The following F13A1 variants were observed in gnomAD, a reference collection of about 807,000 sequenced individuals.
F13A1 encodes coagulation factor XIII A chain.
F13A1 carries 47 observed loss-of-function variants against 80.1 expected under a neutral mutation model. The observed-to-expected ratio is 0.59, with a 90% CI of 0.46 to 0.75. The LOEUF (loss-of-function observed/expected upper bound fraction) is 0.75. Ranked by LOEUF, F13A1 falls within the 30% of genes least tolerant of loss-of-function variation. The pLI is 0.00. For missense variants in F13A1, 817 were observed against 930.4 expected (o/e 0.88, Z 1.59); for synonymous variants, 349 against 344.9 (o/e 1.01, Z -0.13).
chr6:6,224,042 G>T (rs1156633816), intron 7 of F13A1, among the ~76,000 whole-genome samples: 1 of 152,172 alleles, frequency 6.6e-6, no homozygotes, highest in Non-Finnish European at 1.5e-5. Context: ...GCATGACACT[G>T]AAGAGAATAA....
intron 2 of F13A1, among the ~76,000 whole-genome samples, chr6:6,318,262 GA>G (rs1758714509): frequency 6.6e-6 from 1 of 152,238 alleles, no homozygotes; most frequent in Non-Finnish European, 1.5e-5. Context: ...TGGTTTTGTA[GA>G]GGAAATAGTT....
At chr6:6,165,466 C>T (rs1760654755) in intron 13 of F13A1, among the ~76,000 whole-genome samples, 1 of 152,198 alleles carries the variant, frequency 6.6e-6, no homozygotes, top group East Asian at 1.9e-4. Context: ...GTGGTTTGAG[C>T]ACTTCACAGC....
At chr6:6,206,151 G>A (rs1416744874) in intron 8 of F13A1, among the ~76,000 whole-genome samples, 1 of 152,110 alleles carries the variant, frequency 6.6e-6, no homozygotes, top group Non-Finnish European at 1.5e-5. Context: ...GACCCAGTAG[G>A]TACCAAAGTT....
chr6:6,276,253 G>C (rs1454153614), intron 3 of F13A1, among the ~76,000 whole-genome samples: 1 of 152,216 alleles, frequency 6.6e-6, no homozygotes, highest in Non-Finnish European at 1.5e-5. Context: ...TTGGAAGCAG[G>C]AGGAGGGGAG....
intron 6 of F13A1, among the ~76,000 whole-genome samples, chr6:6,236,680 C>T (rs1014362099): frequency 3.6e-4 from 54 of 152,052 alleles, no homozygotes; most frequent in Non-Finnish European, 7.1e-4. Context: ...TATCATATTC[C>T]GTTAAATTTC....
intron 6 of F13A1, among the ~76,000 whole-genome samples, chr6:6,238,070 A>G (rs1757435814): frequency 6.6e-6 from 1 of 152,342 alleles, no homozygotes; most frequent in Admixed American, 6.5e-5. Context: ...TTACTAGAGG[A>G]AAGCAGTAAA....
Position 6,197,223 on chromosome 6 carries a change from C to T in F13A1, c.1216G>A (p.Gly406Ser), listed in dbSNP as rs1761307328. The T allele has an allele frequency of 6.2e-7, 1 of 1,613,868 alleles. No homozygotes were observed. The highest frequency in any genetic ancestry group is 1.3e-5 in the African/African-American group (1 of 75,030). ...TCCCAGAGGGAGGACACAGTTTTAC[C>T]ATCGCTATTTTCCTGGGGGGTGCTG... ...VDSTPQENSDGMYRCGPASVQ... is the reference protein window; with the variant it reads ...VDSTPQENSDSMYRCGPASVQ... Residue 406 changes from glycine to serine, a missense_variant and splice_region_variant, in exon 9 of 15, where the codon GGC (glycine) becomes AGC (serine). Coordinates refer to ENST00000264870, the MANE Select transcript of F13A1 (RefSeq NM_000129.4).
Position 6,174,877 on chromosome 6 carries a change from A to C in F13A1, c.1460-10T>G. The C allele has an allele frequency of 6.2e-7, 1 of 1,614,114 alleles. No homozygotes were observed. Among genetic ancestry groups the C allele is most frequent in the East Asian group, 2.2e-5 (1 of 44,876 alleles). On this transcript the variant is annotated splice_polypyrimidine_tract_variant and intron_variant, in intron 11 of 14. Coordinates refer to ENST00000264870, the MANE Select transcript of F13A1 (RefSeq NM_000129.4). ...CTCTCTTCTTCTTGACCTGGGGGAG[A>C]TCCAGAGATAATGACAGGCAAAAAT...
At chr6:6,315,441 AT>A (rs3024337) in intron 2 of F13A1, among the ~76,000 whole-genome samples, 116,551 of 151,422 alleles carry the variant, frequency 0.77, 45,308 homozygotes, top group East Asian at 0.89. Context: ...CAAATATTTC[AT>A]TTTTTTTTTC....
chr6:6,232,033 CA>C (rs1757359902), intron 6 of F13A1, among the ~76,000 whole-genome samples: 1 of 151,836 alleles, frequency 6.6e-6, no homozygotes, highest in Admixed American at 6.6e-5. Context: ...AAAGCAAAAA[CA>C]AAAAACAAAA....
At chr6:6,263,451 C>T (rs1299590587) in intron 4 of F13A1, among the ~76,000 whole-genome samples, 7 of 152,114 alleles carry the variant, frequency 4.6e-5, no homozygotes, top group South Asian at 2.1e-4. Context: ...GATCTCCTTG[C>T]GCTCCACTGA....
chr6:6,308,434 T>C (rs1758543140), intron 2 of F13A1, among the ~76,000 whole-genome samples: 1 of 149,612 alleles, frequency 6.7e-6, no homozygotes, highest in African/African-American at 2.5e-5. Context: ...TGGAATTAAG[T>C]ACATTACTCT....
At chr6:6,300,700 T>C (rs933170806) in intron 3 of F13A1, among the ~76,000 whole-genome samples, 6 of 152,220 alleles carry the variant, frequency 3.9e-5, no homozygotes, top group African/African-American at 1.2e-4. Context: ...AATCACTGTC[T>C]TCTGGGTCGC....
intron 3 of F13A1, among the ~76,000 whole-genome samples, chr6:6,304,262 T>A (rs1266861525): frequency 6.6e-6 from 1 of 152,146 alleles, no homozygotes; most frequent in East Asian, 1.9e-4. Flanking sequence ...TTCCTAAAAC[T>A]GGATGCTGAA....
At chr6:6,222,647 A>C (rs1384117005) in intron 7 of F13A1, among the ~76,000 whole-genome samples, 1 of 152,196 alleles carries the variant, frequency 6.6e-6, no homozygotes, top group Non-Finnish European at 1.5e-5. Context: ...AGTTCATTTT[A>C]ATAGATAACA....
intron 4 of F13A1, among the ~76,000 whole-genome samples, chr6:6,260,998 T>C (rs2113116710): frequency 1.3e-5 from 2 of 152,304 alleles, no homozygotes; most frequent in East Asian, 3.9e-4. Flanking sequence ...AGATGGAGTC[T>C]CACTCTGTGG....
At chr6:6,200,197 G>T (rs1167348218) in intron 8 of F13A1, among the ~76,000 whole-genome samples, 1 of 152,080 alleles carries the variant, frequency 6.6e-6, no homozygotes, top group Non-Finnish European at 1.5e-5. Context: ...GAGTATTGGT[G>T]GGTGGTGGAG....
At chr6:6,276,843 A>T (rs1356086078) in intron 3 of F13A1, among the ~76,000 whole-genome samples, 1 of 152,210 alleles carries the variant, frequency 6.6e-6, no homozygotes, top group East Asian at 1.9e-4. Context: ...TAGCAAAGAA[A>T]TCTTACTAAA....
chr6:6,289,745 T>C (rs1425914032), intron 3 of F13A1, among the ~76,000 whole-genome samples: 2 of 152,154 alleles, frequency 1.3e-5, no homozygotes, highest in Non-Finnish European at 2.9e-5. Context: ...GAATTACATC[T>C]AAACTTCTTA....
Sources: allele counts gnomAD v4.1 joint callset (sites outside exome capture counted in the v4.1 genomes callset), GRCh38; gene constraint gnomAD v4.1.1; transcripts MANE v1.5; gene names NCBI Gene and HGNC (gene_info 2026-07-23, HGNC 2026-07-21).